Variants in ADGRL3 observed in about 807,000 individuals in gnomAD.
ADGRL3 encodes the protein adhesion G protein-coupled receptor L3.
ADGRL3 carries 62 observed loss-of-function variants against 153.5 expected under a neutral mutation model. That is an observed-to-expected ratio of 0.40 (90% CI 0.33 to 0.50). ADGRL3 has a LOEUF of 0.50. Ranked by LOEUF, ADGRL3 falls within the 20% of genes least tolerant of loss-of-function variation. The probability of loss-of-function intolerance (pLI) is 0.47; values close to 1 mark genes in which losing one functional copy is unlikely to be tolerated. For missense variants in ADGRL3, 1,641 were observed against 1,859.4 expected, an observed-to-expected ratio of 0.88 and a Z score of 2.16; for synonymous variants, 710 against 672.5, an observed-to-expected ratio of 1.06 and a Z score of -0.86.
chr4:61,622,021 T>C (rs2092554784), intron 5 of ADGRL3, among the ~76,000 whole-genome samples: 1 of 152,156 alleles, frequency 6.6e-6, no homozygotes, highest in African/African-American at 2.4e-5. Context: ...TGCATGTCGG[T>C]AGCTGTGTTG....
intron 1 of ADGRL3, among the ~76,000 whole-genome samples, chr4:61,208,788 A>G (rs2148815157): frequency 6.6e-6 from 1 of 152,276 alleles, no homozygotes; most frequent in East Asian, 1.9e-4. Context: ...ATTAGAGAGG[A>G]AATCACTTTT....
chr4:61,884,843 T>C (rs2098528603), intron 9 of ADGRL3, among the ~76,000 whole-genome samples: 1 of 151,776 alleles, frequency 6.6e-6, no homozygotes, highest in East Asian at 2.0e-4. Flanking sequence ...CAGCCTGGTA[T>C]GGAACCCCTG....
chr4:61,584,861 C>A (rs1424380012), intron 4 of ADGRL3, among the ~76,000 whole-genome samples: 2 of 151,826 alleles, frequency 1.3e-5, no homozygotes, highest in East Asian at 3.9e-4. Context: ...ACTTTAAATA[C>A]ACTTATGAAA....
At chr4:61,279,097 T>C (rs992180211) in intron 1 of ADGRL3, among the ~76,000 whole-genome samples, 14 of 152,166 alleles carry the variant, frequency 9.2e-5, no homozygotes, top group African/African-American at 3.4e-4. Flanking sequence ...CATGACTGTC[T>C]AGACAGGTTT....
chr4:61,997,497 A>G (rs1447662156), intron 20 of ADGRL3, among the ~76,000 whole-genome samples: 1 of 149,774 alleles, frequency 6.7e-6, no homozygotes, highest in African/African-American at 2.4e-5. Context: ...TGTGGAATAC[A>G]TAAATTAATC....
chr4:61,467,593 G>A (rs2097901222), intron 2 of ADGRL3, among the ~76,000 whole-genome samples: 2 of 151,854 alleles, frequency 1.3e-5, no homozygotes, highest in Non-Finnish European at 1.5e-5. Flanking sequence ...TCCATGAAAA[G>A]CATTCTCATT....
At chr4:62,007,000 C>T (rs1318359917) in intron 21 of ADGRL3, among the ~76,000 whole-genome samples, 1 of 151,970 alleles carries the variant, frequency 6.6e-6, no homozygotes, top group Non-Finnish European at 1.5e-5. Flanking sequence ...TCAACAAGGA[C>T]CAAAGCTCTT....
chr4:61,472,381 T>C (rs2097969314), intron 2 of ADGRL3, among the ~76,000 whole-genome samples: 1 of 152,082 alleles, frequency 6.6e-6, no homozygotes, highest in Non-Finnish European at 1.5e-5. Flanking sequence ...GCAGTAAAAC[T>C]GTTGGCCAGG....
chr4:61,884,446 C>T (rs911160699), intron 9 of ADGRL3, among the ~76,000 whole-genome samples: 1 of 152,068 alleles, frequency 6.6e-6, no homozygotes, highest in Non-Finnish European at 1.5e-5. Context: ...TGTTTATTGA[C>T]TTATTTGTAT....
chr4:61,951,019 A>G (rs1235981514), intron 17 of ADGRL3, among the ~76,000 whole-genome samples: 3 of 152,178 alleles, frequency 2.0e-5, no homozygotes, highest in African/African-American at 7.2e-5. Flanking sequence ...AGAACTTATT[A>G]GAACTGTGGC....
In ADGRL3 at chr4:62,077,666, G is replaced by A. The variant is rs1747579909; in HGVS notation, c.*6758G>A. The A allele has an allele frequency of 6.6e-6, 1 of 151,830 alleles. No individual in the cohort carries two copies. The highest frequency in any genetic ancestry group is 6.6e-5 in the Admixed American group (1 of 15,224). The allele number at this position is 151,830 out of a possible 1,614,324, so 9.4% of individuals were successfully genotyped here. On this transcript the variant is annotated 3_prime_UTR_variant, in exon 27 of 27. Transcript: ENST00000683033. ...CTAGTCCTCTGGAGTATTTTTTAAT[G>A]CCCTGAATTTCAAGTTGTCAAACTG...
chr4:61,313,542 G>C (rs1455235766), intron 1 of ADGRL3, among the ~76,000 whole-genome samples: 3 of 152,156 alleles, frequency 2.0e-5, no homozygotes, highest in Non-Finnish European at 4.4e-5. Flanking sequence ...CTCACTTAAT[G>C]TTGTCAATAG....
At chr4:61,491,203 G>A (rs1191865496) in intron 2 of ADGRL3, among the ~76,000 whole-genome samples, 2 of 152,042 alleles carry the variant, frequency 1.3e-5, no homozygotes, top group Non-Finnish European at 1.5e-5. Context: ...ATTTTTTTGT[G>A]AGAGATGTCC....
intron 2 of ADGRL3, among the ~76,000 whole-genome samples, chr4:61,469,986 T>C (rs937557438): frequency 1.3e-5 from 2 of 152,004 alleles, no homozygotes; most frequent in African/African-American, 4.8e-5. Context: ...TTATGCTTTC[T>C]ATCAGCCGGA....
intron 2 of ADGRL3, among the ~76,000 whole-genome samples, chr4:61,389,623 G>A (rs2096779645): frequency 6.6e-6 from 1 of 151,878 alleles, no homozygotes. Flanking sequence ...AGAAGTTTTG[G>A]TTTGCTATGA....
intron 13 of ADGRL3, among the ~76,000 whole-genome samples, chr4:61,930,458 A>T (rs1256439389): frequency 6.6e-6 from 1 of 152,188 alleles, no homozygotes; most frequent in Non-Finnish European, 1.5e-5. Context: ...AAAAGTTGTC[A>T]TTGCAAAAAT....
chr4:61,872,950 A>AG (rs1290236740), intron 9 of ADGRL3, among the ~76,000 whole-genome samples: 2 of 152,204 alleles, frequency 1.3e-5, no homozygotes, highest in South Asian at 4.1e-4. Flanking sequence ...GCTTTCTTTC[A>AG]GTTCTTTGTT....
chr4:61,789,164 C>T (rs937282950), intron 8 of ADGRL3, among the ~76,000 whole-genome samples: 2 of 151,834 alleles, frequency 1.3e-5, no homozygotes, highest in Non-Finnish European at 2.9e-5. Flanking sequence ...ATAACTATAC[C>T]TCGATTTTAG....
At chr4:61,249,880 T>A (rs1252986721) in intron 1 of ADGRL3, among the ~76,000 whole-genome samples, 2 of 152,178 alleles carry the variant, frequency 1.3e-5, no homozygotes, top group African/African-American at 4.8e-5. Context: ...GCCTGGAACA[T>A]AGTAAACATT....
Sources: allele counts gnomAD v4.1 joint callset (sites outside exome capture counted in the v4.1 genomes callset), GRCh38; gene constraint gnomAD v4.1.1; transcripts MANE v1.5; gene names NCBI Gene and HGNC (gene_info 2026-07-23, HGNC 2026-07-21).